The following DOCK10 variants were observed in gnomAD, a reference collection of about 807,000 sequenced individuals.
DOCK10 encodes dedicator of cytokinesis protein 10.
In DOCK10, 145 loss-of-function variants were observed where a neutral mutation model predicts 280.1. The ratio of observed to expected loss-of-function variants is 0.52; its 90% CI spans 0.45 to 0.59. DOCK10 has a LOEUF of 0.59. Among genes scored for constraint, DOCK10 ranks in the 20% least tolerant of loss-of-function variants. The pLI is 0.00. For synonymous variants in DOCK10, 915 were observed against 942.2 expected, an observed-to-expected ratio of 0.97 and a Z score of 0.53; for missense variants, 2,368 against 2,651.7, an observed-to-expected ratio of 0.89 and a Z score of 2.35.
chr2:224,858,803 T>G (rs1186569252), intron 14 of DOCK10, among the ~76,000 whole-genome samples: 1 of 152,220 alleles, frequency 6.6e-6, no homozygotes, highest in East Asian at 1.9e-4. Context: ...AGCACCATGA[T>G]CTTTGGGGTA....
intron 22 of DOCK10, among the ~76,000 whole-genome samples, chr2:224,842,897 G>C (rs1316473575): frequency 2.6e-5 from 4 of 152,152 alleles, no homozygotes; most frequent in African/African-American, 9.7e-5. Flanking sequence ...GTGCCATCTG[G>C]ATGAGTGACA....
intron 30 of DOCK10, among the ~76,000 whole-genome samples, chr2:224,815,197 T>A (rs1273660316): frequency 6.6e-6 from 1 of 152,136 alleles, no homozygotes; most frequent in African/African-American, 2.4e-5. Flanking sequence ...TCTCTCCCTT[T>A]CTCTCTCCTG....
chr2:224,950,396 C>A (rs1703662926), intron 1 of DOCK10, among the ~76,000 whole-genome samples: 1 of 152,158 alleles, frequency 6.6e-6, no homozygotes, highest in African/African-American at 2.4e-5. Flanking sequence ...GTATTGTTAT[C>A]ATTGTTATCA....
At chr2:224,766,389 T>C (rs1690080437) in intron 55 of DOCK10, among the ~76,000 whole-genome samples, 2 of 152,180 alleles carry the variant, frequency 1.3e-5, no homozygotes, top group South Asian at 4.1e-4. Flanking sequence ...GTACAAAGAA[T>C]TGTGAAGATT....
At chr2:224,843,783 G>A (rs1277966696) in intron 22 of DOCK10, among the ~76,000 whole-genome samples, 6 of 152,166 alleles carry the variant, frequency 3.9e-5, no homozygotes, top group Admixed American at 6.5e-5. Context: ...GCCTTGCCAC[G>A]GAAGGAATGA....
At chr2:224,867,890 A>G (rs1413050154) in intron 11 of DOCK10, among the ~76,000 whole-genome samples, 1 of 152,196 alleles carries the variant, frequency 6.6e-6, no homozygotes, top group African/African-American at 2.4e-5. Context: ...AATGAAGTGG[A>G]TGGTCATACC....
At chr2:224,926,901 A>G (rs1429533788) in intron 2 of DOCK10, among the ~76,000 whole-genome samples, 1 of 152,206 alleles carries the variant, frequency 6.6e-6, no homozygotes, top group African/African-American at 2.4e-5. Context: ...GCTGCTGAAA[A>G]TCTTTCAACA....
At chr2:224,954,447 CT>C (rs950029641) in intron 1 of DOCK10, among the ~76,000 whole-genome samples, 1 of 152,072 alleles carries the variant, frequency 6.6e-6, no homozygotes, top group African/African-American at 2.4e-5. Flanking sequence ...GTTAATCACC[CT>C]TTTTGAAGTT....
intron 1 of DOCK10, among the ~76,000 whole-genome samples, chr2:224,949,575 G>A (rs1277078437): frequency 1.3e-5 from 2 of 152,226 alleles, no homozygotes; most frequent in Non-Finnish European, 2.9e-5. Flanking sequence ...TGAATAATAG[G>A]TGGGAATCAA....
chr2:224,879,618 C>T (rs1405752214), intron 7 of DOCK10, among the ~76,000 whole-genome samples: 2 of 152,018 alleles, frequency 1.3e-5, no homozygotes, highest in African/African-American at 4.8e-5. Context: ...ATTAGCTGGG[C>T]ATGGTGGTGC....
At chr2:224,931,404 A>G (rs760244701) in intron 2 of DOCK10, 145 bp downstream of exon 2, 137 of 903,406 alleles carry the variant, frequency 1.5e-4, no homozygotes, top group Non-Finnish European at 2.0e-4. Flanking sequence ...GGTACTTTCT[A>G]TTATAGGATG....
intron 1 of DOCK10, among the ~76,000 whole-genome samples, chr2:224,938,198 G>A (rs1702802824): frequency 6.6e-6 from 1 of 152,134 alleles, no homozygotes; most frequent in African/African-American, 2.4e-5. Flanking sequence ...TGTTCTTTCT[G>A]TGACATGCGG....
In DOCK10 at chr2:224,970,558, C is replaced by G. The variant is rs1705024644; in HGVS notation, c.124-38890G>C. Among the ~76,000 whole-genome samples, 1 of 152,194 alleles carries G rather than the reference C, an allele frequency of 6.6e-6. No homozygotes were observed. The highest frequency in any genetic ancestry group is 2.1e-4 in the South Asian group (1 of 4,830). The stretch of plus-strand genomic sequence containing the variant: ...AGATGTCTGTTCCCAAAATAGAATT[C>G]TATAAACCCTTCAATCCGAAGAGAT... On this transcript the variant is annotated intron_variant, in intron 1 of 55. Transcript: ENST00000258390. The surrounding 1 kb of genome is among the most constrained non-coding windows in gnomAD (Gnocchi z 4.6).
chr2:225,014,098 G>A (rs687683), intron 1 of DOCK10, among the ~76,000 whole-genome samples: 3 of 91,664 alleles, frequency 3.3e-5, no homozygotes, highest in Admixed American at 1.1e-4. Flanking sequence ...TTTTTTTTTT[G>A]TTTTTTTTTT....
intron 1 of DOCK10, among the ~76,000 whole-genome samples, chr2:224,989,169 C>G (rs1232677113): frequency 6.6e-6 from 1 of 152,176 alleles, no homozygotes; most frequent in Admixed American, 6.5e-5. Context: ...AGCCACTTTC[C>G]TTCCTGGGCT....
intron 1 of DOCK10, among the ~76,000 whole-genome samples, chr2:224,999,589 T>C (rs866932062): frequency 4.0e-5 from 6 of 151,824 alleles, no homozygotes; most frequent in South Asian, 4.2e-4. Context: ...CCCAGGCCCT[T>C]GGGATAAAAC....
At chr2:224,885,909 A>T in intron 6 of DOCK10, 104 bp from the exon 7 acceptor site, 1 of 1,512,128 alleles carries the variant, frequency 6.6e-7, no homozygotes, top group South Asian at 1.3e-5. Flanking sequence ...TATTTCTAGG[A>T]CATTTTTCTA....
At chr2:225,007,167 G>A (rs1038319379) in intron 1 of DOCK10, among the ~76,000 whole-genome samples, 1 of 152,178 alleles carries the variant, frequency 6.6e-6, no homozygotes, top group Non-Finnish European at 1.5e-5. Flanking sequence ...AGATCACTAA[G>A]ACCAAATTAA....
intron 3 of DOCK10, among the ~76,000 whole-genome samples, chr2:224,908,382 A>G (rs1428944416): frequency 7.6e-6 from 1 of 132,218 alleles, no homozygotes; most frequent in Non-Finnish European, 1.5e-5. Context: ...GCCTAGTACT[A>G]TTTGGATGAA....
Sources: gnomAD v4.1 joint callset for allele counts (sites outside exome capture counted in the v4.1 genomes callset) on GRCh38, gnomAD v4.1.1 for gene constraint, Gnocchi (gnomAD v3.1) non-coding constraint, MANE v1.5 for transcripts, NCBI Gene and HGNC (gene_info 2026-07-23, HGNC 2026-07-21) for gene names.